LHFPL2: variants seen among roughly 807,000 people sequenced by gnomAD.
LHFPL2 encodes LHFPL tetraspan subfamily member 2 protein.
In LHFPL2, 7 loss-of-function variants were observed where a neutral mutation model predicts 17.5. That is an observed-to-expected ratio of 0.40 (90% CI 0.23 to 0.75). The LOEUF (loss-of-function observed/expected upper bound fraction) is 0.75, where lower values mean the gene tolerates loss of function less well. LHFPL2 is among the 30% of genes least tolerant of loss of function. LHFPL2 has a pLI of 0.37. For synonymous variants in LHFPL2, 134 were observed against 116.2 expected, an observed-to-expected ratio of 1.15 and a Z score of -0.99; for missense variants, 241 against 294.8, an observed-to-expected ratio of 0.82 and a Z score of 1.34.
chr5:78,560,984 AT>A (rs1409255453), intron 3 of LHFPL2, among the ~76,000 whole-genome samples: 2 of 152,206 alleles, frequency 1.3e-5, no homozygotes, highest in Non-Finnish European at 2.9e-5. Context: ...ATTTTAATAA[AT>A]TTCATATAAC....
At chr5:78,497,516 G>A (rs1276624127) in intron 4 of LHFPL2, among the ~76,000 whole-genome samples, 1 of 152,202 alleles carries the variant, frequency 6.6e-6, no homozygotes, top group Non-Finnish European at 1.5e-5. Context: ...ACTTTATGCA[G>A]TTTGTTCTTT....
chr5:78,613,184 C>T lies in LHFPL2; in HGVS notation c.-245+19080G>A, dbSNP rs1174387310. Among the ~76,000 whole-genome samples, 24 of 152,216 alleles carry T rather than the reference C, an allele frequency of 1.6e-4. 1 individual carries two copies. The highest frequency in any genetic ancestry group is 1.6e-3 in the Admixed American group (24 of 15,284). On this transcript the variant is annotated intron_variant, in intron 2 of 4. Transcript: ENST00000380345. ...AACTTCCCTTATCAGCTTTCTACCTCTGTTGTGGGCTTGCTTCTCTCAAGA... is the reference window on the plus strand; with the variant it reads ...AACTTCCCTTATCAGCTTTCTACCTTTGTTGTGGGCTTGCTTCTCTCAAGA...
intron 3 of LHFPL2, among the ~76,000 whole-genome samples, chr5:78,519,669 G>A (rs1755391221): frequency 6.6e-6 from 1 of 152,202 alleles, no homozygotes; most frequent in South Asian, 2.1e-4. Flanking sequence ...GATCAATTAA[G>A]TTAAAGTAAG....
rs1743591095 is a variant in LHFPL2 at position 78,590,523 on chromosome 5, AGTTTAGAACTGGGTCTTCCTCCTG to A, written c.-244-25676_-244-25653del. ...GGGATGTTATTCAATTTTTTTTTCC[AGTTTAGAACTGGGTCTTCCTCCTG>A]AGAAGAATCACAGAGGCATACAATT... On this transcript the variant is annotated intron_variant, in intron 2 of 4. Coordinates refer to ENST00000380345, the MANE Select transcript of LHFPL2 (RefSeq NM_005779.3). Among the ~76,000 whole-genome samples the A allele has an allele frequency of 2.0e-5, 3 of 151,982 alleles. No homozygotes were observed. In the South Asian group the frequency reaches 6.2e-4, roughly 31 times the overall value.
At chr5:78,588,805 C>T (rs1246757449) in intron 2 of LHFPL2, among the ~76,000 whole-genome samples, 1 of 152,164 alleles carries the variant, frequency 6.6e-6, no homozygotes, top group Non-Finnish European at 1.5e-5. Context: ...GCAAAGAGAG[C>T]ACTTAAAACA....
At chr5:78,490,370 T>TCCCAAAAAAGC (rs946775973) in intron 4 of LHFPL2, among the ~76,000 whole-genome samples, 12 of 151,958 alleles carry the variant, frequency 7.9e-5, no homozygotes, top group Non-Finnish European at 1.3e-4. Context: ...CAGTAGCTCC[T>TCCCAAAAAAGC]CCCAAAAAAG....
At chr5:78,535,575 G>A (rs761158189) in intron 3 of LHFPL2, among the ~76,000 whole-genome samples, 16 of 152,086 alleles carry the variant, frequency 1.1e-4, no homozygotes, top group Non-Finnish European at 1.8e-4. Flanking sequence ...CTCCCTCACC[G>A]TCAGCCCCCA....
intron 1 of LHFPL2, among the ~76,000 whole-genome samples, chr5:78,637,259 C>T (rs190697374): frequency 6.6e-5 from 10 of 152,250 alleles, no homozygotes; most frequent in African/African-American, 1.7e-4. Flanking sequence ...GCTTTGTAAT[C>T]GCATAACCTT....
chr5:78,536,000 T>C (rs899938303), intron 3 of LHFPL2, among the ~76,000 whole-genome samples: 5 of 152,178 alleles, frequency 3.3e-5, no homozygotes, highest in Admixed American at 6.5e-5. Context: ...GTGGGACACC[T>C]GTGCAGAGGT....
At chr5:78,632,415 C>A (rs546146990) in intron 1 of LHFPL2, 47 bp from the exon 2 acceptor site, 4 of 152,180 alleles carry the variant, frequency 2.6e-5, no homozygotes, top group Non-Finnish European at 4.4e-5. Context: ...ACGGGAGTAG[C>A]CAGTCTTTCG....
chr5:78,602,850 C>G (rs1445028527), intron 2 of LHFPL2, among the ~76,000 whole-genome samples: 1 of 151,650 alleles, frequency 6.6e-6, no homozygotes, highest in East Asian at 1.9e-4. Context: ...TTATTTAAAC[C>G]TTACTACCAC....
chr5:78,612,181 T>G (rs965272268), intron 2 of LHFPL2, among the ~76,000 whole-genome samples: 1 of 152,232 alleles, frequency 6.6e-6, no homozygotes, highest in Non-Finnish European at 1.5e-5. Context: ...TCCTACTTAC[T>G]ATTCAAACTG....
intron 2 of LHFPL2, among the ~76,000 whole-genome samples, chr5:78,565,325 A>C (rs997082126): frequency 6.6e-6 from 1 of 152,242 alleles, no homozygotes; most frequent in Admixed American, 6.5e-5. Flanking sequence ...TAATGTTCTA[A>C]AGCTAAATTC....
chr5:78,601,517 T>G (rs990240888), intron 2 of LHFPL2, among the ~76,000 whole-genome samples: 6 of 152,208 alleles, frequency 3.9e-5, no homozygotes, highest in Non-Finnish European at 7.3e-5. Context: ...AAAGGAACTG[T>G]TTTTATTCTT....
At chr5:78,508,066 A>T (rs1307987384) in intron 4 of LHFPL2, among the ~76,000 whole-genome samples, 2 of 152,016 alleles carry the variant, frequency 1.3e-5, no homozygotes, top group Non-Finnish European at 2.9e-5. Flanking sequence ...ACCCACCTTT[A>T]ATATTTCTGG....
At chr5:78,626,144 G>C (rs1194441719) in intron 2 of LHFPL2, 1 of 152,216 alleles carries the variant, frequency 6.6e-6, no homozygotes, top group Non-Finnish European at 1.5e-5. Context: ...ATGGCACAGG[G>C]ACCCTCATAG....
At chr5:78,616,158 C>G (rs1744597569) in intron 2 of LHFPL2, among the ~76,000 whole-genome samples, 1 of 151,860 alleles carries the variant, frequency 6.6e-6, no homozygotes, top group Non-Finnish European at 1.5e-5. Flanking sequence ...GATGAAGTCT[C>G]ACTCTGTCAC....
chr5:78,642,730 G>A (rs1057305585), intron 1 of LHFPL2, among the ~76,000 whole-genome samples: 2 of 152,124 alleles, frequency 1.3e-5, no homozygotes, highest in African/African-American at 4.8e-5. Context: ...TCTTCTTGGA[G>A]GGCTTGTAGT....
intron 2 of LHFPL2, among the ~76,000 whole-genome samples, chr5:78,616,647 A>G (rs1744624892): frequency 1.3e-5 from 2 of 152,196 alleles, no homozygotes; most frequent in African/African-American, 4.8e-5. Flanking sequence ...TAGGAAGTCT[A>G]AGGACATGCA....
Sources: gnomAD v4.1 joint callset for allele counts (sites outside exome capture counted in the v4.1 genomes callset) on GRCh38, gnomAD v4.1.1 for gene constraint, MANE v1.5 for transcripts, NCBI Gene and HGNC (gene_info 2026-07-23, HGNC 2026-07-21) for gene names.